The following C10orf71 variants were observed in gnomAD, a reference collection of about 807,000 sequenced individuals.
The protein encoded by C10orf71 is cardiac-enriched FHL2-interacting protein.
For synonymous variants in C10orf71, 758 were observed against 726.3 expected (o/e 1.04, Z -0.70); for missense variants, 1,869 against 1,804.5 (o/e 1.04, Z -0.65).
chr10:49,320,317 G>A (rs1040191344), intron 2 of C10orf71, among the ~76,000 whole-genome samples: 11 of 152,252 alleles, frequency 7.2e-5, no homozygotes, highest in African/African-American at 2.4e-4. Context: ...GTGGAGAAAT[G>A]CCAGGGACAC....
intron 1 of C10orf71, among the ~76,000 whole-genome samples, chr10:49,301,411 C>T (rs946169671): frequency 3.9e-5 from 6 of 152,196 alleles, no homozygotes; most frequent in African/African-American, 1.2e-4. Context: ...CTCATTTCTA[C>T]TTGGTTTCCA....
intron 1 of C10orf71, among the ~76,000 whole-genome samples, chr10:49,315,165 C>A (rs900260664): frequency 4.6e-5 from 7 of 152,148 alleles, no homozygotes; most frequent in South Asian, 4.1e-4. Flanking sequence ...CAGAGCACCT[C>A]TGTGATTCTC....
intron 2 of C10orf71, among the ~76,000 whole-genome samples, chr10:49,317,973 G>T (rs910609710): frequency 1.3e-5 from 2 of 152,176 alleles, no homozygotes; most frequent in African/African-American, 4.8e-5. Flanking sequence ...AATGAGAAAG[G>T]CTAGGATCGA....
In C10orf71 at chr10:49,327,458, A is replaced by G. The variant is rs1371749062; in HGVS notation, c.*605A>G. 5.8e-6 allele frequency: 1 copy of G among 172,940 alleles called. No individual in the cohort carries two copies. Among genetic ancestry groups the G allele is most frequent in the Non-Finnish European group, 1.4e-5 (1 of 71,824 alleles). The allele number at this position is 172,940 out of a possible 1,614,324, so 10.7% of individuals were successfully genotyped here. A position where few individuals can be genotyped will look rare whatever the true frequency, so the allele number is the denominator to read the frequency against. ...CTGATCAAGAAAAGGCCCACTTTTTAAAAAGTGAAACAAGTTTGCAGATAC... is the reference window on the plus strand; with the variant it reads ...CTGATCAAGAAAAGGCCCACTTTTTGAAAAGTGAAACAAGTTTGCAGATAC... On this transcript the variant is annotated 3_prime_UTR_variant, in exon 3 of 3. Coordinates refer to ENST00000374144, the MANE Select transcript of C10orf71 (RefSeq NM_001135196.2).
Position 49,324,946 on chromosome 10 carries a change from CAAAGAG to C in C10orf71, c.2406_2411del (p.Arg804_Glu805del). On this transcript the variant is annotated inframe_deletion, in exon 3 of 3. Coordinates refer to ENST00000374144, the MANE Select transcript of C10orf71 (RefSeq NM_001135196.2). ...AAACCGCAGCCAGGGGGAAGCATTG[CAAAGAG>C]AAAGGGAAAGTGTGTCTGGAGGAAG... 1 of 1,550,642 alleles carries C rather than the reference CAAAGAG, an allele frequency of 6.4e-7. No individual in the cohort carries two copies. The highest frequency in any genetic ancestry group is 8.7e-7 in the Non-Finnish European group (1 of 1,146,298).
chr10:49,300,559 C>T lies in C10orf71; in HGVS notation c.-248+1326C>T, dbSNP rs752339958. Among the ~76,000 whole-genome samples the T allele has an allele frequency of 3.1e-3, 474 of 152,078 alleles. 3 individuals carry two copies. The highest frequency in any genetic ancestry group is 5.4e-3 in the Non-Finnish European group (367 of 68,006). On this transcript the variant is annotated intron_variant, in intron 1 of 2. Coordinates refer to ENST00000374144, the MANE Select transcript of C10orf71 (RefSeq NM_001135196.2). Reference sequence around the variant, plus strand: ...AGTGGCTGGCTGGCTCCTGAGCCTCCTGCACCTTCCAGGGCCCACTTTTTA... The same window carrying T: ...AGTGGCTGGCTGGCTCCTGAGCCTCTTGCACCTTCCAGGGCCCACTTTTTA...
chr10:49,311,491 C>A (rs1564685160), intron 1 of C10orf71, among the ~76,000 whole-genome samples: 1 of 152,210 alleles, frequency 6.6e-6, no homozygotes, highest in Non-Finnish European at 1.5e-5. Context: ...GTACACTCAA[C>A]AACCAGAGCT....
chr10:49,309,705 T>C (rs1039450936), intron 1 of C10orf71, among the ~76,000 whole-genome samples: 9 of 152,090 alleles, frequency 5.9e-5, no homozygotes, highest in African/African-American at 1.9e-4. Flanking sequence ...GTGCTGTGCA[T>C]CTGTGGATGG....
rs1214641071 is a variant in C10orf71 at position 49,326,738 on chromosome 10, G to C, written c.4193G>C (p.Gly1398Ala). 1.3e-6 allele frequency: 2 copies of C among 1,551,064 alleles called. No individual in the cohort carries two copies. Among genetic ancestry groups the C allele is most frequent in the Non-Finnish European group, 1.7e-6 (2 of 1,146,958 alleles). ...PHGDCTPHSA[G>A]QRPHGPPQSP... ...GGTGACTGCACCCCGCACTCTGCAG[G>C]CCAGCGCCCTCATGGTCCTCCCCAG... is the stretch of plus-strand genomic sequence containing the variant. The change falls in exon 3 of 3, where the codon GGC becomes GCC. Residue 1398 changes from glycine to alanine, a missense_variant. Coordinates refer to ENST00000374144, the MANE Select transcript of C10orf71 (RefSeq NM_001135196.2).
chr10:49,298,381 A>C (rs1848671108), upstream of C10orf71, among the ~76,000 whole-genome samples: 1 of 152,238 alleles, frequency 6.6e-6, no homozygotes, highest in South Asian at 2.1e-4. Flanking sequence ...CCTGGTAGCA[A>C]GCAGACTATC....
rs372959905 is a variant in C10orf71, at chr10:49,324,422, G to T, written c.1877G>T (p.Gly626Val). 3 of 1,610,874 alleles carry T rather than the reference G, an allele frequency of 1.9e-6. No homozygotes were observed. The highest frequency in any genetic ancestry group is 2.5e-6 in the Non-Finnish European group (3 of 1,178,402). ...NKEVEGELEMGPAGSSWCPDS... is the reference protein window; with the variant it reads ...NKEVEGELEMVPAGSSWCPDS... ...GAGGTGGAAGGAGAGTTGGAGATGG[G>T]TCCTGCCGGATCCAGCTGGTGTCCA... Residue 626 changes from glycine to valine, a missense_variant, in exon 3 of 3, where the codon GGT becomes GTT. Gly to Val is a moderately radical substitution (Grantham distance 109). Transcript: ENST00000374144.
rs1849234674 is a variant in C10orf71 at position 49,326,049 on chromosome 10, C to A, written c.3504C>A (p.Ser1168Arg). ...CTGCACAGCTAGAGAGGACAGCAAG[C>A]AAGCCACCTGCAGTCCCACCCAAAA... Reference protein sequence around the residue: ...ELPAQLERTASKPPAVPPKTE... With the variant: ...ELPAQLERTARKPPAVPPKTE... The change falls in exon 3 of 3, where the codon AGC (serine) becomes AGA (arginine). Residue 1168 changes from serine (S) to arginine (R), a missense_variant. Ser to Arg is a moderately radical substitution (Grantham distance 110, BLOSUM62 -1). Coordinates refer to ENST00000374144, the MANE Select transcript of C10orf71 (RefSeq NM_001135196.2). The A allele has an allele frequency of 1.3e-6, 2 of 1,551,708 alleles. No homozygotes were observed. Among genetic ancestry groups the A allele is most frequent in the Non-Finnish European group, 1.7e-6 (2 of 1,147,002 alleles).
At chr10:49,313,210 C>A (rs1256662558) in intron 1 of C10orf71, among the ~76,000 whole-genome samples, 1 of 152,168 alleles carries the variant, frequency 6.6e-6, no homozygotes, top group African/African-American at 2.4e-5. Flanking sequence ...GAAGAAGCTG[C>A]ATCATCAAAG....
chr10:49,301,587 G>C (rs1027475605), intron 1 of C10orf71, among the ~76,000 whole-genome samples: 5 of 152,192 alleles, frequency 3.3e-5, no homozygotes, highest in African/African-American at 7.2e-5. Flanking sequence ...TCCCTGGAAG[G>C]GGCTGCCTGT....
intron 1 of C10orf71, among the ~76,000 whole-genome samples, chr10:49,304,909 G>A (rs1304134375): frequency 6.6e-6 from 1 of 152,210 alleles, no homozygotes; most frequent in Admixed American, 6.5e-5. Context: ...ATCCATAAGG[G>A]GTTTCCACAA....
chr10:49,327,052 G>A lies in C10orf71; in HGVS notation c.*199G>A, dbSNP rs1449376816. The A allele has an allele frequency of 6.5e-7, 1 of 1,542,042 alleles. No individual in the cohort carries two copies. The highest frequency in any genetic ancestry group is 2.5e-5 in the East Asian group (1 of 40,238). ...ACGACCTCACCCAAAGGGCTCCCTG[G>A]CTCTCCTCTGATGGAGGGGCACTGC... On this transcript the variant is annotated 3_prime_UTR_variant, in exon 3 of 3. Transcript: ENST00000374144.
chr10:49,318,931 C>T (rs1403731364), intron 2 of C10orf71, among the ~76,000 whole-genome samples: 1 of 152,232 alleles, frequency 6.6e-6, no homozygotes, highest in Non-Finnish European at 1.5e-5. Context: ...TGTGGCCAGG[C>T]CTCCCTGATG....
intron 1 of C10orf71, among the ~76,000 whole-genome samples, chr10:49,301,078 C>G (rs1848721267): frequency 6.6e-6 from 1 of 152,154 alleles, no homozygotes; most frequent in East Asian, 1.9e-4. Flanking sequence ...TGAAATAGCC[C>G]TATTCCTCCA....
chr10:49,317,129 C>A (rs1849012222), intron 2 of C10orf71, among the ~76,000 whole-genome samples: 1 of 152,102 alleles, frequency 6.6e-6, no homozygotes, highest in Non-Finnish European at 1.5e-5. Context: ...AGATCGGAAT[C>A]CCAGCATTTA....
Sources: gnomAD v4.1 joint callset for allele counts (sites outside exome capture counted in the v4.1 genomes callset) on GRCh38, gnomAD v4.1.1 for gene constraint, MANE v1.5 for transcripts, NCBI Gene and HGNC (gene_info 2026-07-23, HGNC 2026-07-21) for gene names.